The following PRDX6 variants were observed in gnomAD, a reference collection of about 807,000 sequenced individuals.
The protein encoded by PRDX6 is peroxiredoxin-6.
Under a neutral mutation model 20.0 loss-of-function variants are expected in PRDX6, and 13 were observed. The ratio of observed to expected loss-of-function variants is 0.65; its 90% confidence interval spans 0.42 to 1.03. The LOEUF (loss-of-function observed/expected upper bound fraction) is 1.03. PRDX6 is among the 50% of genes least tolerant of loss of function. The pLI is 0.00. For synonymous variants in PRDX6, 85 were observed against 100.8 expected (o/e 0.84, Z 0.94); for missense variants, 203 against 276.9 (o/e 0.73, Z 1.89).
At chr1:173,477,603 C>G in intron 1 of PRDX6, 111 bp downstream of exon 1, 1 of 878,310 alleles carries the variant, frequency 1.1e-6, no homozygotes, top group Non-Finnish European at 1.7e-6. Context: ...CCCTGCGCCG[C>G]CCTCGCCTTC....
chr1:173,477,335 G>A lies in PRDX6; in HGVS notation c.-63G>A. On this transcript the variant is annotated 5_prime_UTR_variant, in exon 1 of 5. Coordinates refer to ENST00000340385, the MANE Select transcript of PRDX6 (RefSeq NM_004905.3). ...ATTCCTCCGCGCGCTGGGACAGGCTGCTTCTTCGCCAGAACCAACCGGTTG... is the reference window on the plus strand; with the variant it reads ...ATTCCTCCGCGCGCTGGGACAGGCTACTTCTTCGCCAGAACCAACCGGTTG... The A allele has an allele frequency of 7.6e-7, 1 of 1,321,436 alleles. No homozygotes were observed. Among genetic ancestry groups the A allele is most frequent in the Non-Finnish European group, 1.1e-6 (1 of 941,032 alleles). The allele number at this position is 1,321,436 out of a possible 1,614,324, so 81.9% of individuals were successfully genotyped here.
intron 1 of PRDX6, among the ~76,000 whole-genome samples, chr1:173,479,030 C>G (rs1658756911): frequency 6.6e-6 from 1 of 152,190 alleles, no homozygotes; most frequent in Non-Finnish European, 1.5e-5. Context: ...CTGCAGCCCT[C>G]ATCCCCCATC....
At chr1:173,482,613 T>C (rs1658822262) in intron 2 of PRDX6, among the ~76,000 whole-genome samples, 1 of 152,246 alleles carries the variant, frequency 6.6e-6, no homozygotes, top group South Asian at 2.1e-4. Context: ...TAAGTAATAA[T>C]GATAACTACT....
At chr1:173,477,599 G>T in intron 1 of PRDX6, 107 bp downstream of exon 1, 2 of 910,834 alleles carry the variant, frequency 2.2e-6, no homozygotes, top group Non-Finnish European at 3.3e-6. Flanking sequence ...AGCCCCCTGC[G>T]CCGCCCTCGC....
rs746524781 is a variant in PRDX6, at chr1:173,481,332, C to T, written c.102C>T (p.Gly34=). Residue 34 remains glycine, a synonymous_variant, in exon 2 of 5, where the codon GGC becomes GGT. Transcript: ENST00000340385. The part of the protein sequence containing the change: ...RFHDFLGDSW[G]ILFSHPRDFT... The stretch of plus-strand genomic sequence containing the variant: ...TTGTTTTTCTTCCTTTCAGATGGGG[C>T]ATTCTCTTCTCCCACCCTCGGGACT... 88 of 1,612,696 alleles carry T rather than the reference C, an allele frequency of 5.5e-5. No individual in the cohort carries two copies. The highest frequency in any genetic ancestry group is 7.4e-5 in the Non-Finnish European group (87 of 1,179,000).
intron 1 of PRDX6, among the ~76,000 whole-genome samples, chr1:173,478,692 G>A (rs149510260): frequency 3.0e-4 from 46 of 152,234 alleles, no homozygotes; most frequent in African/African-American, 9.6e-4. Flanking sequence ...TTTATATACA[G>A]TATCCAGGGA....
chr1:173,480,931 C>G (rs995687418), intron 1 of PRDX6, among the ~76,000 whole-genome samples: 13 of 151,994 alleles, frequency 8.6e-5, no homozygotes, highest in African/African-American at 3.1e-4. Flanking sequence ...ATGTCAGGGT[C>G]TATGCTAGAA....
At chr1:173,486,941 GGTTTT>G (rs1255703387) in intron 4 of PRDX6, among the ~76,000 whole-genome samples, 3 of 152,008 alleles carry the variant, frequency 2.0e-5, no homozygotes, top group Non-Finnish European at 2.9e-5. Flanking sequence ...CTGAATAGCA[GGTTTT>G]GTTTTGTTTT....
chr1:173,483,506 G>A (rs566215752), intron 2 of PRDX6, among the ~76,000 whole-genome samples: 2 of 152,108 alleles, frequency 1.3e-5, no homozygotes, highest in South Asian at 2.1e-4. Context: ...AGCTGAGATC[G>A]CGCCACTGCA....
chr1:173,479,484 G>A (rs1658766417), intron 1 of PRDX6, among the ~76,000 whole-genome samples: 1 of 152,276 alleles, frequency 6.6e-6, no homozygotes, highest in East Asian at 1.9e-4. Context: ...CCTTACCCCT[G>A]ATCATTGTAA....
At chr1:173,479,073 A>G (rs887115643) in intron 1 of PRDX6, among the ~76,000 whole-genome samples, 2 of 152,174 alleles carry the variant, frequency 1.3e-5, no homozygotes, top group Non-Finnish European at 2.9e-5. Flanking sequence ...CAGAACTCTT[A>G]GCTTGTATAG....
rs1658901146 is a variant in PRDX6, at chr1:173,486,495, C to T, written c.546+94C>T. The T allele has an allele frequency of 1.5e-5, 19 of 1,308,448 alleles. No homozygotes were observed. The South Asian group carries it at 2.2e-4, about 15-fold the overall frequency. 81.1% of individuals were successfully genotyped at this position (1,308,448 alleles called of 1,614,324 possible). A position where few individuals can be genotyped will look rare whatever the true frequency, so the allele number is the denominator to read the frequency against. ...AGGTCTGTGTTACCTGTTTCTAGCA[C>T]GCAAGTACACTGGGAGGATTTTTCC... On this transcript the variant is annotated intron_variant, in intron 4 of 4. Transcript: ENST00000340385.
intron 2 of PRDX6, among the ~76,000 whole-genome samples, chr1:173,482,236 C>A (rs1658815711): frequency 1.3e-5 from 2 of 152,144 alleles, no homozygotes; most frequent in Non-Finnish European, 2.9e-5. Context: ...GTGTGACTTA[C>A]CCTCACCTCT....
At chr1:173,478,270 G>C (rs76097558) in intron 1 of PRDX6, among the ~76,000 whole-genome samples, 1 of 152,204 alleles carries the variant, frequency 6.6e-6, no homozygotes, top group African/African-American at 2.4e-5. Flanking sequence ...TGGAGGGAAG[G>C]ACTTTCTGAC....
chr1:173,484,383 A>G (rs937353893), intron 2 of PRDX6, among the ~76,000 whole-genome samples: 2 of 151,804 alleles, frequency 1.3e-5, no homozygotes, highest in African/African-American at 4.8e-5. Context: ...TTGGAGTCCT[A>G]CAAATGGGAG....
At chr1:173,477,743 G>C (rs1318607477) in intron 1 of PRDX6, among the ~76,000 whole-genome samples, 1 of 152,222 alleles carries the variant, frequency 6.6e-6, no homozygotes, top group Admixed American at 6.5e-5. Context: ...CCCCGCCTCC[G>C]GCGTGGCTGG....
intron 2 of PRDX6, among the ~76,000 whole-genome samples, chr1:173,484,074 G>A (rs1211765801): frequency 3.6e-5 from 5 of 137,310 alleles, no homozygotes; most frequent in African/African-American, 5.5e-5. Context: ...AGCCAAGTTC[G>A]CACCAGTGCA....
At chr1:173,483,798 CAT>C (rs1187600494) in intron 2 of PRDX6, among the ~76,000 whole-genome samples, 1 of 152,090 alleles carries the variant, frequency 6.6e-6, no homozygotes, top group African/African-American at 2.4e-5. Context: ...GAGTTGCCCA[CAT>C]GTTTCATTAA....
At chr1:173,478,951 G>C (rs1402348284) in intron 1 of PRDX6, among the ~76,000 whole-genome samples, 1 of 152,132 alleles carries the variant, frequency 6.6e-6, no homozygotes, top group Non-Finnish European at 1.5e-5. Context: ...CTTATACTTA[G>C]GATCTAGGTA....
Sources: allele counts gnomAD v4.1 joint callset (sites outside exome capture counted in the v4.1 genomes callset), GRCh38; gene constraint gnomAD v4.1.1; transcripts MANE v1.5; gene names NCBI Gene and HGNC (gene_info 2026-07-23, HGNC 2026-07-21).